CAMSAP3: variants seen among roughly 807,000 people sequenced by gnomAD.
CAMSAP3 encodes the protein calmodulin regulated spectrin associated protein family member 3.
A neutral mutation model predicts 112.5 loss-of-function variants in CAMSAP3; 34 were observed. That is an observed-to-expected ratio of 0.30 (90% CI 0.23 to 0.40). The LOEUF (loss-of-function observed/expected upper bound fraction) is 0.40. Ranked by LOEUF, CAMSAP3 falls within the 10% of genes least tolerant of loss-of-function variation. CAMSAP3 has a pLI of 1.00. For missense variants in CAMSAP3, 1,602 were observed against 1,770.3 expected (o/e 0.90, Z 1.71); for synonymous variants, 868 against 799.8 (o/e 1.09, Z -1.44).
Position 7,607,351 on chromosome 19 carries a change from G to C in CAMSAP3, c.622-775G>C, listed in dbSNP as rs940726062. Among the ~76,000 whole-genome samples the C allele has an allele frequency of 2.6e-5, 4 of 152,222 alleles. No individual in the cohort carries two copies. Among genetic ancestry groups the C allele is most frequent in the African/African-American group, 9.6e-5 (4 of 41,458 alleles). On this transcript the variant is annotated intron_variant, in intron 4 of 16. Coordinates refer to ENST00000160298, the MANE Select transcript of CAMSAP3 (RefSeq NM_020902.2). The surrounding 1 kb of genome is among the most constrained non-coding windows in gnomAD (Gnocchi z 4.9). ...GAGGAGGAGGCCCATCCCTGAAGCT[G>C]GAAGTTGAAATTTCTCTCTTCCCTG... is the stretch of plus-strand genomic sequence containing the variant.
At chr19:7,616,446 C>T in intron 13 of CAMSAP3, 77 bp from the exon 14 acceptor site, 1 of 1,050,196 alleles carries the variant, frequency 9.5e-7, no homozygotes, top group Admixed American at 1.7e-5. Flanking sequence ...CCTGTGTTCC[C>T]CCCACAGCCT....
At position 7,618,191 on chromosome 19, in the gene CAMSAP3, C is replaced by CT. The variant is rs1393418300; in HGVS notation, c.*137dup. 3 of 991,970 alleles carry CT rather than the reference C, an allele frequency of 3.0e-6. No individual in the cohort carries two copies. The highest frequency in any genetic ancestry group is 1.7e-5 in the South Asian group (1 of 60,366). 61.4% of individuals were successfully genotyped at this position (991,970 alleles called of 1,614,324 possible). A position where few individuals can be genotyped will look rare whatever the true frequency, so the allele number is the denominator to read the frequency against. ...TGGGGCTGGAGTCTCCACCCTCTGACTTTGAGTCCAGTCCTGCTGTGGGGG... is the reference window on the plus strand; with the variant it reads ...TGGGGCTGGAGTCTCCACCCTCTGACTTTTGAGTCCAGTCCTGCTGTGGGGG... On this transcript the variant is annotated 3_prime_UTR_variant, in exon 17 of 17. Transcript: ENST00000160298.
In CAMSAP3 at chr19:7,611,873, G is replaced by A; in HGVS notation, c.1380G>A (p.Glu460=). 2 of 1,566,356 alleles carry A rather than the reference G, an allele frequency of 1.3e-6. No homozygotes were observed. Among genetic ancestry groups the A allele is most frequent in the African/African-American group, 1.4e-5 (1 of 73,826 alleles). The change falls in exon 11 of 17, where the codon GAG becomes GAA. Residue 460 remains glutamate (E), a synonymous_variant. Transcript: ENST00000160298. This position sits in a 1 kb window ranked among gnomAD's most constrained non-coding sequence, Gnocchi z 6.9. The stretch of plus-strand genomic sequence containing the variant: ...AGCCTGGTGACCTGCCCACCATCGA[G>A]GAAGCTCTGCAGATCATCCACAGTG... ...PPEPGDLPTI[E]EALQIIHSAE...
chr19:7,616,371 CAT>C (rs1568449236), intron 13 of CAMSAP3, 150 bp from the exon 14 acceptor site: 1 of 610,566 alleles, frequency 1.6e-6, no homozygotes, highest in East Asian at 2.9e-5. Flanking sequence ...CATCCTCCCT[CAT>C]AGAGGGGTCC....
intron 1 of CAMSAP3, among the ~76,000 whole-genome samples, chr19:7,603,818 C>T (rs2030076392): frequency 6.6e-6 from 1 of 152,076 alleles, no homozygotes; most frequent in Non-Finnish European, 1.5e-5. Flanking sequence ...CACTGCACTC[C>T]AGCAAAAACT....
rs372880309 is a variant in CAMSAP3 at position 7,597,599 on chromosome 19, AC to A, written c.148+1455del. Among the ~76,000 whole-genome samples the A allele has an allele frequency of 4.0e-4, 61 of 151,640 alleles. No homozygotes were observed. The East Asian group carries it at 5.6e-3, about 14-fold the overall frequency. ...GTAGGGCACTGCTCCAGTGATGGAG[AC>A]CCCCCGTTACCTCTTTGCAAGGTTG... On this transcript the variant is annotated intron_variant, in intron 1 of 16. Transcript: ENST00000160298.
At position 7,595,933 on chromosome 19, in the gene CAMSAP3, C is replaced by T. The variant is rs1255781840; in HGVS notation, c.-70C>T. The T allele has an allele frequency of 2.5e-6, 2 of 784,780 alleles. No individual in the cohort carries two copies. The highest frequency in any genetic ancestry group is 3.1e-6 in the Non-Finnish European group (2 of 646,668). The allele number at this position is 784,780 out of a possible 1,614,324, so 48.6% of individuals were successfully genotyped here. ...GTAGCAGCAGCGGGCCCGGCTGGGG[C>T]GCGAGCGCGGCGCAGCCCAGCCCAG... On this transcript the variant is annotated 5_prime_UTR_variant, in exon 1 of 17. Coordinates refer to ENST00000160298, the MANE Select transcript of CAMSAP3 (RefSeq NM_020902.2).
intron 1 of CAMSAP3, among the ~76,000 whole-genome samples, chr19:7,604,814 T>C (rs2030123158): frequency 6.6e-6 from 1 of 152,156 alleles, no homozygotes; most frequent in East Asian, 1.9e-4. Context: ...CTAGCGTTGA[T>C]GTAAGGCTCA....
rs779860494 is a variant in CAMSAP3 at position 7,612,033 on chromosome 19, A to G, written c.1540A>G (p.Thr514Ala). 27 of 1,612,876 alleles carry G rather than the reference A, an allele frequency of 1.7e-5. No homozygotes were observed. The highest frequency in any genetic ancestry group is 1.2e-4 in the South Asian group (11 of 91,042). The change falls in exon 11 of 17, where the codon ACC (threonine) becomes GCC (alanine). Residue 514 changes from threonine to alanine, a missense_variant. Thr to Ala is a moderately conservative substitution (Grantham distance 58, BLOSUM62 0). Around this residue, in one of 6 missense-constraint regions of CAMSAP3, gnomAD observed 1,100 missense variants for 1,135.7 expected, o/e 0.97. Coordinates refer to ENST00000160298, the MANE Select transcript of CAMSAP3 (RefSeq NM_020902.2). Reference protein sequence around the residue: ...GTSKPLSDRPTKAPVYMPHPE... With the variant: ...GTSKPLSDRPAKAPVYMPHPE... The stretch of plus-strand genomic sequence containing the variant: ...CTCCAAACCACTGTCCGACAGGCCC[A>G]CCAAAGCACCAGTGTACATGCCACA...
Position 7,612,529 on chromosome 19 carries a change from C to T in CAMSAP3, c.2036C>T (p.Pro679Leu). 6.5e-7 allele frequency: 1 copy of T among 1,538,566 alleles called. No individual in the cohort carries two copies. Residue 679 changes from proline (P) to leucine (L), a missense_variant, in exon 11 of 17, where the codon CCC becomes CTC. This residue lies in a region of CAMSAP3 where 1,100 missense variants were observed against 1,135.7 expected (regional missense o/e 0.97). Coordinates refer to ENST00000160298, the MANE Select transcript of CAMSAP3 (RefSeq NM_020902.2). The stretch of plus-strand genomic sequence containing the variant: ...GGCCAGGGTGAGCCAACCTCACGGC[C>T]CAAGGCAGTGACCTTCTCGCCAGAC... ...GEGQGEPTSR[P>L]KAVTFSPDLG...
chr19:7,606,600 G>A, intron 4 of CAMSAP3, 29 bp downstream of exon 4: 1 of 1,519,484 alleles, frequency 6.6e-7, no homozygotes, highest in Non-Finnish European at 8.8e-7. Flanking sequence ...ACCGTCAGAA[G>A]GATGGGGGAC....
chr19:7,616,324 G>A, intron 13 of CAMSAP3, 199 bp from the exon 14 acceptor site: 1 of 553,276 alleles, frequency 1.8e-6, no homozygotes. Flanking sequence ...AGTAGGGGCT[G>A]ACCCAGTGCT....
Position 7,610,371 on chromosome 19 carries a change from C to A in CAMSAP3, c.761-105C>A. On this transcript the variant is annotated intron_variant, in intron 5 of 16. Coordinates refer to ENST00000160298, the MANE Select transcript of CAMSAP3 (RefSeq NM_020902.2). This position sits in a 1 kb window ranked among gnomAD's most constrained non-coding sequence, Gnocchi z 4.9. ...CGAAGGGCACCTGGCAGAAGCTGGGCTCATAGGAGGTCTTCCGTGTGTGGG... is the reference window on the plus strand; with the variant it reads ...CGAAGGGCACCTGGCAGAAGCTGGGATCATAGGAGGTCTTCCGTGTGTGGG... The A allele has an allele frequency of 1.0e-6, 1 of 996,484 alleles. No individual in the cohort carries two copies. The highest frequency in any genetic ancestry group is 1.5e-6 in the Non-Finnish European group (1 of 674,394). The allele number at this position is 996,484 out of a possible 1,614,324, so 61.7% of individuals were successfully genotyped here.
chr19:7,615,606 C>T lies in CAMSAP3; in HGVS notation c.2999C>T (p.Pro1000Leu). 2 of 1,467,482 alleles carry T rather than the reference C, an allele frequency of 1.4e-6. No individual in the cohort carries two copies. Among genetic ancestry groups the T allele is most frequent in the Non-Finnish European group, 1.8e-6 (2 of 1,110,112 alleles). 90.9% of individuals were successfully genotyped at this position (1,467,482 alleles called of 1,614,324 possible). Residue 1000 changes from proline (P) to leucine (L), a missense_variant, in exon 13 of 17, where the codon CCC becomes CTC. Pro to Leu is a moderately conservative substitution (Grantham distance 98). Coordinates refer to ENST00000160298, the MANE Select transcript of CAMSAP3 (RefSeq NM_020902.2). The surrounding 1 kb of genome is among the most constrained non-coding windows in gnomAD (Gnocchi z 6.5). The stretch of plus-strand genomic sequence containing the variant: ...GACGACCTCGATAAGGTGCTGCGGC[C>T]CCGGGCTGCGGGGTCCGGGGGTCCA... ...LMDDLDKVLR[P>L]RAAGSGGPGR...
intron 2 of CAMSAP3, 115 bp from the exon 3 acceptor site, chr19:7,606,156 A>ACCCCCCCC (rs57108239): frequency 1.8e-5 from 4 of 227,814 alleles, no homozygotes; most frequent in Non-Finnish European, 3.4e-5. Flanking sequence ...CTCAAGCCCC[A>ACCCCCCCC]CCCCCCCCGT....
intron 1 of CAMSAP3, among the ~76,000 whole-genome samples, chr19:7,604,731 G>A (rs1156874238): frequency 6.6e-6 from 1 of 152,132 alleles, no homozygotes; most frequent in Non-Finnish European, 1.5e-5. Context: ...CCTGGGGCAA[G>A]GGACTTTCCT....
chr19:7,616,643 C>T lies in CAMSAP3; in HGVS notation c.3212+21C>T, dbSNP rs574518451. The T allele has an allele frequency of 1.6e-5, 25 of 1,574,258 alleles. No individual in the cohort carries two copies. In the East Asian group the frequency reaches 2.0e-4, roughly 13 times the overall value. ...TCTCGGTGAGTTTAGCCCGCACAGG[C>T]GGGGTTCGTATGCCGGGTGGCTTCC... On this transcript the variant is annotated intron_variant, in intron 14 of 16. Transcript: ENST00000160298.
chr19:7,615,792 A>C lies in CAMSAP3; in HGVS notation c.3112+73A>C. The C allele has an allele frequency of 8.9e-5, 18 of 202,310 alleles. No homozygotes were observed. Among genetic ancestry groups the C allele is most frequent in the South Asian group, 5.1e-4 (2 of 3,948 alleles). The allele number at this position is 202,310 out of a possible 1,614,324, so 12.5% of individuals were successfully genotyped here. A position where few individuals can be genotyped will look rare whatever the true frequency, so the allele number is the denominator to read the frequency against. ...TCACTGGGTGAGGCCCCCATGGGTA[A>C]GGGGGGAGGGGGAGGGAGATGTAAG... On this transcript the variant is annotated intron_variant, in intron 13 of 16. Coordinates refer to ENST00000160298, the MANE Select transcript of CAMSAP3 (RefSeq NM_020902.2). The surrounding 1 kb of genome is among the most constrained non-coding windows in gnomAD (Gnocchi z 6.5).
Position 7,611,627 on chromosome 19 carries a change from C to T in CAMSAP3, c.1193+41C>T. 1 of 1,595,784 alleles carries T rather than the reference C, an allele frequency of 6.3e-7. No homozygotes were observed. The highest frequency in any genetic ancestry group is 8.5e-7 in the Non-Finnish European group (1 of 1,170,258). ...AGGCCAGGGTAGGGGGTGGAGCAGG[C>T]TAGGGCGGGTTGGGGCCGAGGCTGG... On this transcript the variant is annotated intron_variant, in intron 10 of 16. Coordinates refer to ENST00000160298, the MANE Select transcript of CAMSAP3 (RefSeq NM_020902.2). The surrounding 1 kb of genome is among the most constrained non-coding windows in gnomAD (Gnocchi z 6.9).
Sources: allele counts gnomAD v4.1 joint callset (sites outside exome capture counted in the v4.1 genomes callset), GRCh38; gene constraint gnomAD v4.1.1; regional missense constraint gnomAD v4.1.1; non-coding constraint Gnocchi (gnomAD v3.1); transcripts MANE v1.5; gene names NCBI Gene and HGNC (gene_info 2026-07-23, HGNC 2026-07-21).